The following ACP2 variants were observed in gnomAD, a reference collection of about 807,000 sequenced individuals.
ACP2 encodes lysosomal acid phosphatase.
A neutral mutation model predicts 54.7 loss-of-function variants in ACP2; 35 were observed. The ratio of observed to expected loss-of-function variants is 0.64; its 90% CI spans 0.49 to 0.85. The LOEUF (loss-of-function observed/expected upper bound fraction) is 0.85, where lower values mean the gene tolerates loss of function less well. Among genes scored for constraint, ACP2 ranks in the 40% least tolerant of loss-of-function variants. The pLI, the probability that ACP2 is intolerant of heterozygous loss-of-function variation, is 0.00. For synonymous variants in ACP2, 210 were observed against 224.4 expected (o/e 0.94, Z 0.57); for missense variants, 492 against 565.0 (o/e 0.87, Z 1.31).
At chr11:47,245,171 G>A (rs770219586) in intron 6 of ACP2, 134 bp downstream of exon 6, 27 of 1,054,154 alleles carry the variant, frequency 2.6e-5, no homozygotes, top group Middle Eastern at 2.2e-4. Context: ...GGAAGTTCCC[G>A]TGTTTCACAA....
intron 10 of ACP2, among the ~76,000 whole-genome samples, chr11:47,240,770 G>A (rs970451701): frequency 6.6e-6 from 1 of 150,802 alleles, no homozygotes; most frequent in Non-Finnish European, 1.5e-5. Context: ...GCAGTGAGCC[G>A]AGATCACGCC....
In ACP2 at chr11:47,240,203, G is replaced by A; in HGVS notation, c.1185C>T (p.Leu395=). The A allele has an allele frequency of 1.9e-6, 3 of 1,611,972 alleles. No individual in the cohort carries two copies. Among genetic ancestry groups the A allele is most frequent in the Non-Finnish European group, 2.5e-6 (3 of 1,177,962 alleles). The part of the protein sequence containing the change: ...LAVCGSILFL[L]IVLLLTVLFR... ...AGAGGACGGTGAGGAGCAGCACTATGAGGAGGAAGAGGATGGAGCCACATA... is the reference window on the plus strand; with the variant it reads ...AGAGGACGGTGAGGAGCAGCACTATAAGGAGGAAGAGGATGGAGCCACATA... Residue 395 remains leucine, a synonymous_variant, in exon 11 of 11, where the codon CTC becomes CTT. Transcript: ENST00000672073.
intron 3 of ACP2, among the ~76,000 whole-genome samples, chr11:47,246,546 G>C (rs1202911943): frequency 3.3e-5 from 5 of 152,104 alleles, no homozygotes; most frequent in Non-Finnish European, 7.3e-5. Flanking sequence ...ATGTGCTACA[G>C]TTTGGGTGAC....
At chr11:47,240,726 C>T (rs1953852527) in intron 10 of ACP2, among the ~76,000 whole-genome samples, 1 of 151,380 alleles carries the variant, frequency 6.6e-6, no homozygotes, top group South Asian at 2.1e-4. Flanking sequence ...GAGGCTGAGG[C>T]AGGAGAATTG....
chr11:47,246,791 G>A (rs1181804559), intron 3 of ACP2, among the ~76,000 whole-genome samples: 2 of 152,022 alleles, frequency 1.3e-5, no homozygotes, highest in Admixed American at 6.6e-5. Context: ...CAGGAGAATC[G>A]CTTGAACCTA....
rs202079999 is a variant in ACP2, at chr11:47,245,541, C to T, written c.482G>A (p.Arg161His). The T allele has an allele frequency of 4.7e-5, 76 of 1,614,084 alleles. No individual in the cohort carries two copies. Among genetic ancestry groups the T allele is most frequent in the Middle Eastern group, 1.6e-4 (1 of 6,084 alleles). The change falls in exon 5 of 11, where the codon CGT becomes CAT. Residue 161 changes from arginine (R) to histidine (H), a missense_variant. Physicochemically the swap from Arg to His is conservative, Grantham distance 29 (BLOSUM62 0). Transcript: ENST00000672073. ...GGTCTCGTTCTGCAGCTGCTCATAACGGGGACATGGGCCCAACGGGAACTT... is the reference window on the plus strand; with the variant it reads ...GGTCTCGTTCTGCAGCTGCTCATAATGGGGACATGGGCCCAACGGGAACTT... ...LLKFPLGPCP[R>H]YEQLQNETRQ...
chr11:47,244,699 TGAG>T (rs1565163246), intron 7 of ACP2, 33 bp downstream of exon 7: 1 of 1,545,098 alleles, frequency 6.5e-7, no homozygotes. Context: ...CTTAGGGTCC[TGAG>T]GAGTAGAGTG....
At chr11:47,243,168 C>G in intron 8 of ACP2, 44 bp from the exon 9 acceptor site, 10 of 1,613,158 alleles carry the variant, frequency 6.2e-6, no homozygotes, top group Non-Finnish European at 8.5e-6. Context: ...TCCCCACACC[C>G]GCAGGAACCG....
intron 4 of ACP2, 43 bp from the exon 5 acceptor site, chr11:47,245,615 T>G (rs1223745871): frequency 6.2e-7 from 1 of 1,614,186 alleles, no homozygotes; most frequent in South Asian, 1.1e-5. Context: ...AAAAGGAGCC[T>G]GGCATCAGCA....
At chr11:47,247,818 C>T (rs58528246) in intron 2 of ACP2, 91 bp from the exon 3 acceptor site, 51,897 of 1,315,612 alleles carry the variant, frequency 0.039, 1,394 homozygotes, top group South Asian at 0.11. Flanking sequence ...TCCAGGTTCA[C>T]GCTTTGCTGG....
chr11:47,241,165 G>C (rs921123417), intron 10 of ACP2, among the ~76,000 whole-genome samples: 1 of 152,210 alleles, frequency 6.6e-6, no homozygotes, highest in African/African-American at 2.4e-5. Context: ...TTCTATATGT[G>C]ATGGGAAGCC....
At chr11:47,245,650 C>G in intron 4 of ACP2, 32 bp downstream of exon 4, 2 of 1,613,514 alleles carry the variant, frequency 1.2e-6, no homozygotes, top group Non-Finnish European at 1.7e-6. Context: ...GCTGTCCCCT[C>G]ACCACCCCAG....
Position 47,239,872 on chromosome 11 carries a change from A to C in ACP2, c.*244T>G. ...CATCTCAGGTGTGTAGGGAGCGTGG[A>C]GGAGGCAAATCCTGTTTGGAGAAAG... On this transcript the variant is annotated 3_prime_UTR_variant, in exon 11 of 11. Transcript: ENST00000672073. 5.9e-6 allele frequency: 3 copies of C among 511,102 alleles called. No individual in the cohort carries two copies. Among genetic ancestry groups the C allele is most frequent in the Admixed American group, 3.4e-5 (1 of 29,314 alleles). The allele number at this position is 511,102 out of a possible 1,614,324, so 31.7% of individuals were successfully genotyped here. A position where few individuals can be genotyped will look rare whatever the true frequency, so the allele number is the denominator to read the frequency against.
At chr11:47,241,412 GA>G (rs1953874827) in intron 10 of ACP2, among the ~76,000 whole-genome samples, 1 of 152,192 alleles carries the variant, frequency 6.6e-6, no homozygotes, top group Non-Finnish European at 1.5e-5. Flanking sequence ...AGCTACTCGG[GA>G]GGCTGAGGCA....
In ACP2 at chr11:47,243,017, C is replaced by T. The variant is rs762697376; in HGVS notation, c.962+1G>A. 1.2e-6 allele frequency: 2 copies of T among 1,614,100 alleles called. No individual in the cohort carries two copies. Among genetic ancestry groups the T allele is most frequent in the Admixed American group, 1.7e-5 (1 of 60,008 alleles). Reference sequence around the variant, plus strand: ...CAGAGGACACTGCTAGCTCCACTCACCCAGAATCTTCCTGGTACAGTTCAA... The same window carrying T: ...CAGAGGACACTGCTAGCTCCACTCATCCAGAATCTTCCTGGTACAGTTCAA... On this transcript the variant is annotated splice_donor_variant, in intron 9 of 10. Coordinates refer to ENST00000672073, the MANE Select transcript of ACP2 (RefSeq NM_001610.4). LOFTEE classifies it high-confidence loss of function.
intron 10 of ACP2, among the ~76,000 whole-genome samples, chr11:47,242,493 G>A (rs11039144): frequency 0.26 from 39,121 of 151,854 alleles, 6,287 homozygotes; most frequent in East Asian, 0.65. Context: ...GTAACCTGGT[G>A]GTGGGAGAAC....
chr11:47,245,221 C>G (rs1954021861), intron 6 of ACP2, 84 bp downstream of exon 6: 1 of 1,419,032 alleles, frequency 7.0e-7, no homozygotes, highest in Admixed American at 1.7e-5. Context: ...GTGACGGTAT[C>G]AGGCACTGTG....
chr11:47,247,672 C>T lies in ACP2; in HGVS notation c.266G>A (p.Gly89Asp), dbSNP rs1394286498. Residue 89 changes from glycine (G) to aspartate (D), a missense_variant, in exon 3 of 11, where the codon GGC becomes GAC. Transcript: ENST00000672073. ...LGQALRQRYH[G>D]FLNTSYHRQE... The stretch of plus-strand genomic sequence containing the variant: ...CCGGTGATAAGAGGTGTTTAGGAAG[C>T]CGTGATAGCGCTGCCGCAGGGCCTG... 6.2e-7 allele frequency: 1 copy of T among 1,614,186 alleles called. No individual in the cohort carries two copies. Among genetic ancestry groups the T allele is most frequent in the African/African-American group, 1.3e-5 (1 of 75,066 alleles).
At chr11:47,245,965 G>C in intron 3 of ACP2, 131 bp from the exon 4 acceptor site, 1 of 1,397,174 alleles carries the variant, frequency 7.2e-7, no homozygotes, top group Non-Finnish European at 9.3e-7. Flanking sequence ...TCACCCCAAA[G>C]TGGAGCCCCA....
Sources: gnomAD v4.1 joint callset for allele counts (sites outside exome capture counted in the v4.1 genomes callset) on GRCh38, gnomAD v4.1.1 for gene constraint, MANE v1.5 for transcripts, NCBI Gene and HGNC (gene_info 2026-07-23, HGNC 2026-07-21) for gene names.